The following LMTK2 variants were observed in gnomAD, a reference collection of about 807,000 sequenced individuals.
The protein encoded by LMTK2 is serine/threonine-protein kinase LMTK2.
A neutral mutation model predicts 127.5 loss-of-function variants in LMTK2; 37 were observed. That is an observed-to-expected ratio of 0.29 (90% CI 0.22 to 0.38). The LOEUF (loss-of-function observed/expected upper bound fraction) is 0.38, where lower values mean the gene tolerates loss of function less well. LMTK2 is among the 10% of genes least tolerant of loss of function. The pLI, the probability that LMTK2 is intolerant of heterozygous loss-of-function variation, is 1.00. For missense variants in LMTK2, 1,694 were observed against 1,920.3 expected (o/e 0.88, Z 2.20); for synonymous variants, 819 against 810.1 (o/e 1.01, Z -0.19).
At chr7:98,156,825 C>T (rs1303782758) in intron 5 of LMTK2, among the ~76,000 whole-genome samples, 4 of 152,186 alleles carry the variant, frequency 2.6e-5, no homozygotes, top group Non-Finnish European at 2.9e-5. Context: ...TAGTTTAAGG[C>T]TGAAGGCTGT....
intron 3 of LMTK2, among the ~76,000 whole-genome samples, chr7:98,142,889 GC>G (rs1796719559): frequency 6.6e-6 from 1 of 152,252 alleles, no homozygotes; most frequent in South Asian, 2.1e-4. Flanking sequence ...TTGGCTGCCA[GC>G]AGCTCCACAC....
At chr7:98,200,497 G>A (rs1391672589) in intron 11 of LMTK2, among the ~76,000 whole-genome samples, 2 of 152,146 alleles carry the variant, frequency 1.3e-5, no homozygotes, top group Admixed American at 1.3e-4. Flanking sequence ...AGATACGGAG[G>A]GCTGACTTTT....
chr7:98,200,785 A>G (rs1037824027), intron 11 of LMTK2, among the ~76,000 whole-genome samples: 5 of 152,206 alleles, frequency 3.3e-5, no homozygotes, highest in African/African-American at 1.2e-4. Context: ...TGTAAATGCT[A>G]TGAAAATAGT....
At chr7:98,120,620 A>G (rs145591922) in intron 1 of LMTK2, among the ~76,000 whole-genome samples, 75 of 152,316 alleles carry the variant, frequency 4.9e-4, no homozygotes, top group African/African-American at 1.6e-3. Context: ...AGAACCCTCA[A>G]TAAATTAAAC....
intron 5 of LMTK2, among the ~76,000 whole-genome samples, chr7:98,159,045 G>A (rs1167349476): frequency 4.6e-5 from 7 of 151,982 alleles, no homozygotes; most frequent in Admixed American, 3.9e-4. Context: ...GTGACAGAAC[G>A]AGACCCTGTC....
At chr7:98,143,957 A>G (rs1005407754) in intron 3 of LMTK2, among the ~76,000 whole-genome samples, 1 of 152,230 alleles carries the variant, frequency 6.6e-6, no homozygotes, top group African/African-American at 2.4e-5. Context: ...AAAAGGATCA[A>G]GGTGAACTGT....
rs758537883 is a variant in LMTK2 at position 98,192,497 on chromosome 7, G to A, written c.2032G>A (p.Glu678Lys). ...AAGTTCCAGTTTGGATAACCCCAAA[G>A]AGTCAGTCATAACAGGCCACTTTGA... ...TLSSSLDNPKESVITGHFEKE... is the reference protein window; with the variant it reads ...TLSSSLDNPKKSVITGHFEKE... Residue 678 changes from glutamate (E) to lysine (K), a missense_variant, in exon 11 of 14, where the codon GAG becomes AAG. Physicochemically the swap from Glu to Lys is moderately conservative, Grantham distance 56. Around this residue, in one of 8 missense-constraint regions of LMTK2, gnomAD observed 527 missense variants for 539.8 expected, o/e 0.98. Transcript: ENST00000297293. The A allele has an allele frequency of 2.1e-5, 34 of 1,611,730 alleles. No homozygotes were observed. The highest frequency in any genetic ancestry group is 3.4e-5 in the Admixed American group (2 of 59,370).
Position 98,190,892 on chromosome 7 carries a change from A to C in LMTK2, c.1148+15A>C. On this transcript the variant is annotated intron_variant, in intron 10 of 13. Coordinates refer to ENST00000297293, the MANE Select transcript of LMTK2 (RefSeq NM_014916.4). ...TCTGATAGATGGTTGGTAGCCTCAC[A>C]TTCCGCCTGTTCTGTTTCGTCTTCA... 6.2e-7 allele frequency: 1 copy of C among 1,613,122 alleles called. No individual in the cohort carries two copies. Among genetic ancestry groups the C allele is most frequent in the Non-Finnish European group, 8.5e-7 (1 of 1,179,216 alleles).
intron 9 of LMTK2, 75 bp downstream of exon 9, chr7:98,187,073 TAAAGG>T (rs1338429463): frequency 8.9e-6 from 12 of 1,346,010 alleles, no homozygotes; most frequent in Admixed American, 6.3e-5. Context: ...AGTACTTCCT[TAAAGG>T]AAAGTAGTTG....
At position 98,134,174 on chromosome 7, in the gene LMTK2, G is replaced by A. The variant is rs142882349; in HGVS notation, c.104-3141G>A. The stretch of plus-strand genomic sequence containing the variant: ...GCATATCAGTTTCTTCATCTGTGAC[G>A]TGGAGCTGGTCGTATTACCTCAGAG... On this transcript the variant is annotated intron_variant, in intron 1 of 13. Coordinates refer to ENST00000297293, the MANE Select transcript of LMTK2 (RefSeq NM_014916.4). Among the ~76,000 whole-genome samples the A allele has an allele frequency of 2.0e-5, 3 of 152,312 alleles. No homozygotes were observed. In the East Asian group the frequency reaches 5.8e-4, roughly 29 times the overall value.
At chr7:98,204,225 T>C in intron 13 of LMTK2, 39 bp downstream of exon 13, 2 of 662,034 alleles carry the variant, frequency 3.0e-6, no homozygotes, top group Non-Finnish European at 2.7e-6. Context: ...GAGTGCAGGG[T>C]CGGGGGTGGG....
chr7:98,140,492 C>T (rs1212847086), intron 2 of LMTK2, among the ~76,000 whole-genome samples: 8 of 151,964 alleles, frequency 5.3e-5, no homozygotes, highest in East Asian at 2.0e-4. Context: ...GAAAGCCAGA[C>T]GTGCTTATAT....
At chr7:98,145,126 G>T (rs997013285) in intron 3 of LMTK2, among the ~76,000 whole-genome samples, 10 of 152,038 alleles carry the variant, frequency 6.6e-5, no homozygotes, top group African/African-American at 2.4e-4. Context: ...TGCCAGTTGG[G>T]TATCTAATGG....
intron 2 of LMTK2, among the ~76,000 whole-genome samples, chr7:98,140,144 T>TCTTTCG (rs1562902718): frequency 9.9e-5 from 6 of 60,672 alleles, no homozygotes; most frequent in South Asian, 1.2e-3. Flanking sequence ...CTTTCTTTCT[T>TCTTTCG]TTCTTTTCTT....
At chr7:98,107,786 C>T (rs913799471) in intron 1 of LMTK2, among the ~76,000 whole-genome samples, 1 of 152,116 alleles carries the variant, frequency 6.6e-6, no homozygotes, top group African/African-American at 2.4e-5. Context: ...CGGAATGTAT[C>T]TCCGGGGATG....
intron 7 of LMTK2, among the ~76,000 whole-genome samples, chr7:98,184,780 C>T (rs1268437488): frequency 6.6e-6 from 1 of 152,088 alleles, no homozygotes; most frequent in African/African-American, 2.4e-5. Context: ...GCCATACATC[C>T]GGTTTTAATG....
intron 3 of LMTK2, among the ~76,000 whole-genome samples, chr7:98,144,846 A>G (rs1796747719): frequency 1.3e-5 from 2 of 150,898 alleles, no homozygotes. Flanking sequence ...TTTCCATATC[A>G]TTAAAGCGTA....
intron 5 of LMTK2, 135 bp downstream of exon 5, chr7:98,155,011 T>TTTA: frequency 1.7e-6 from 1 of 588,480 alleles, no homozygotes; most frequent in Non-Finnish European, 3.0e-6. Context: ...AGACCTAAAA[T>TTTA]GTCCAGGCGT....
Position 98,209,142 on chromosome 7 carries a change from G to T in LMTK2, c.*3650G>T, listed in dbSNP as rs1327005441. ...AGCCTTAAAAAAAGAATGGGTATACGCAGTGACTTCCGATGGAAATCTCCA... is the reference window on the plus strand; with the variant it reads ...AGCCTTAAAAAAAGAATGGGTATACTCAGTGACTTCCGATGGAAATCTCCA... On this transcript the variant is annotated 3_prime_UTR_variant, in exon 14 of 14. Coordinates refer to ENST00000297293, the MANE Select transcript of LMTK2 (RefSeq NM_014916.4). 6.6e-6 allele frequency: 1 copy of T among 152,200 alleles called. No individual in the cohort carries two copies. The highest frequency in any genetic ancestry group is 1.5e-5 in the Non-Finnish European group (1 of 68,042). 9.4% of individuals were successfully genotyped at this position (152,200 alleles called of 1,614,324 possible).
Sources: gnomAD v4.1 joint callset for allele counts (sites outside exome capture counted in the v4.1 genomes callset) on GRCh38, gnomAD v4.1.1 for gene constraint, gnomAD v4.1.1 regional missense constraint, MANE v1.5 for transcripts, NCBI Gene and HGNC (gene_info 2026-07-23, HGNC 2026-07-21) for gene names.